TMEM132B: variants seen among roughly 807,000 people sequenced by gnomAD.
TMEM132B encodes the protein transmembrane protein 132B.
Under a neutral mutation model 90.8 loss-of-function variants are expected in TMEM132B, and 18 were observed. That is an observed-to-expected ratio of 0.20 (90% CI 0.14 to 0.29). TMEM132B has a LOEUF of 0.29. TMEM132B is among the 10% of genes least tolerant of loss of function. The pLI, the probability that TMEM132B is intolerant of heterozygous loss-of-function variation, is 1.00. For missense variants in TMEM132B, 1,096 were observed against 1,326.8 expected, an observed-to-expected ratio of 0.83 and a Z score of 2.70; for synonymous variants, 504 against 523.3, an observed-to-expected ratio of 0.96 and a Z score of 0.50.
Position 125,622,784 on chromosome 12 carries a change from C to T in TMEM132B, c.1438-21292C>T, listed in dbSNP as rs532176334. 7.2e-5 allele frequency among the ~76,000 whole-genome samples: 11 copies of T among 152,228 alleles called. No individual in the cohort carries two copies. The East Asian group carries it at 2.1e-3, about 29-fold the overall frequency. ...TCATTTGTATTTACTTTTCCCTTTT[C>T]TCAAAGTCTCAGAGACAAAAATGCT... is the stretch of plus-strand genomic sequence containing the variant. On this transcript the variant is annotated intron_variant, in intron 5 of 8. Coordinates refer to ENST00000682704, the MANE Select transcript of TMEM132B (RefSeq NM_001366854.1).
intron 4 of TMEM132B, among the ~76,000 whole-genome samples, chr12:125,554,736 C>T (rs1174735229): frequency 1.3e-5 from 2 of 152,206 alleles, no homozygotes; most frequent in Non-Finnish European, 2.9e-5. Flanking sequence ...CTCACATTCT[C>T]TTGGTTGCAT....
chr12:125,286,474 A>T (rs1875359750), intron 1 of TMEM132B, among the ~76,000 whole-genome samples: 1 of 152,242 alleles, frequency 6.6e-6, no homozygotes, highest in Admixed American at 6.5e-5. Flanking sequence ...TTTGGCAGGA[A>T]CACCTTTTGG....
intron 5 of TMEM132B, among the ~76,000 whole-genome samples, chr12:125,607,455 G>T (rs1885725457): frequency 1.3e-5 from 2 of 152,180 alleles, no homozygotes. Flanking sequence ...ATTGACTGAA[G>T]CTCGGTTGCT....
chr12:125,592,134 A>G (rs1025766170), intron 5 of TMEM132B, among the ~76,000 whole-genome samples: 1 of 152,216 alleles, frequency 6.6e-6, no homozygotes, highest in Non-Finnish European at 1.5e-5. Context: ...GGAAAAAGAA[A>G]GAAAAGGCAA....
chr12:125,399,207 A>G (rs1879242931), intron 2 of TMEM132B, among the ~76,000 whole-genome samples: 1 of 152,210 alleles, frequency 6.6e-6, no homozygotes, highest in Non-Finnish European at 1.5e-5. Flanking sequence ...AGTTACAAGG[A>G]AGTCTCAGTT....
chr12:125,261,990 C>A (rs745760331), intron 1 of TMEM132B, among the ~76,000 whole-genome samples: 9 of 152,082 alleles, frequency 5.9e-5, no homozygotes, highest in Non-Finnish European at 1.0e-4. Context: ...AGCCACCATG[C>A]GCAGCTTATA....
intron 4 of TMEM132B, among the ~76,000 whole-genome samples, chr12:125,554,519 G>A (rs1377139076): frequency 3.3e-5 from 5 of 151,212 alleles, no homozygotes; most frequent in Admixed American, 2.6e-4. Flanking sequence ...AATATGGAGC[G>A]GGCTTTTCTC....
intron 1 of TMEM132B, among the ~76,000 whole-genome samples, chr12:125,201,303 G>C (rs905599839): frequency 6.6e-6 from 1 of 152,230 alleles, no homozygotes; most frequent in African/African-American, 2.4e-5. Flanking sequence ...CATTTCACAA[G>C]GGTGACTAAA....
Position 125,361,133 on chromosome 12 carries a change from C to A in TMEM132B, c.959+10790C>A, listed in dbSNP as rs372121771. Among the ~76,000 whole-genome samples, 3 of 152,116 alleles carry A rather than the reference C, an allele frequency of 2.0e-5. No homozygotes were observed. In the East Asian group the frequency reaches 5.8e-4, roughly 29 times the overall value. On this transcript the variant is annotated intron_variant, in intron 2 of 8. Transcript: ENST00000682704. ...TCAAAGACACACTACAGGGACACGC[C>A]CGCTGCCCAGCCCACCCTCAGCAGT...
At chr12:125,295,500 CTG>C (rs149003076) in intron 1 of TMEM132B, among the ~76,000 whole-genome samples, 3 of 143,430 alleles carry the variant, frequency 2.1e-5, no homozygotes, top group Non-Finnish European at 4.5e-5. Context: ...TCCATGAAAC[CTG>C]TGTGTGTGTG....
At chr12:125,358,369 A>C (rs975917906) in intron 2 of TMEM132B, among the ~76,000 whole-genome samples, 1 of 149,496 alleles carries the variant, frequency 6.7e-6, no homozygotes, top group Non-Finnish European at 1.5e-5. Flanking sequence ...TACAAATATC[A>C]AAACTAGGAC....
chr12:125,505,210 T>C (rs1882816368), intron 3 of TMEM132B, among the ~76,000 whole-genome samples: 1 of 128,042 alleles, frequency 7.8e-6, no homozygotes, highest in African/African-American at 3.1e-5. Flanking sequence ...AAGTGGGGAC[T>C]TGTGCAAAGG....
chr12:125,338,077 G>A (rs1456271240), intron 1 of TMEM132B, among the ~76,000 whole-genome samples: 1 of 152,064 alleles, frequency 6.6e-6, no homozygotes, highest in Non-Finnish European at 1.5e-5. Flanking sequence ...TTACTTATTT[G>A]CATTAAAAAT....
chr12:125,634,326 TG>T (rs1886433395), intron 5 of TMEM132B, among the ~76,000 whole-genome samples: 1 of 152,166 alleles, frequency 6.6e-6, no homozygotes, highest in Admixed American at 6.5e-5. Flanking sequence ...TGCAGGGCAG[TG>T]GGCTCCCCTC....
intron 5 of TMEM132B, among the ~76,000 whole-genome samples, chr12:125,599,839 T>G (rs1326501396): frequency 6.6e-6 from 1 of 152,114 alleles, no homozygotes; most frequent in African/African-American, 2.4e-5. Flanking sequence ...CTATACTCTA[T>G]TTGGTGAGTG....
chr12:125,306,806 A>G (rs1040197045), intron 1 of TMEM132B, among the ~76,000 whole-genome samples: 1 of 152,230 alleles, frequency 6.6e-6, no homozygotes, highest in Non-Finnish European at 1.5e-5. Context: ...TGCCCCAGTG[A>G]TGTCCATCTC....
At chr12:125,522,151 A>T (rs1883323956) in intron 4 of TMEM132B, among the ~76,000 whole-genome samples, 1 of 152,136 alleles carries the variant, frequency 6.6e-6, no homozygotes, top group Non-Finnish European at 1.5e-5. Flanking sequence ...CAACTCGTGG[A>T]GAGGCTTCTC....
intron 2 of TMEM132B, among the ~76,000 whole-genome samples, chr12:125,352,709 T>G (rs1485193605): frequency 1.3e-5 from 2 of 152,248 alleles, no homozygotes; most frequent in African/African-American, 4.8e-5. Context: ...GAACCTTGCT[T>G]TACAGATGCA....
intron 2 of TMEM132B, among the ~76,000 whole-genome samples, chr12:125,374,349 G>A (rs923230925): frequency 5.3e-5 from 8 of 152,118 alleles, no homozygotes; most frequent in Non-Finnish European, 1.2e-4. Context: ...TAAATTCTCC[G>A]TGGGCACAGG....
Sources: allele counts gnomAD v4.1 joint callset (sites outside exome capture counted in the v4.1 genomes callset), GRCh38; gene constraint gnomAD v4.1.1; transcripts MANE v1.5; gene names NCBI Gene and HGNC (gene_info 2026-07-23, HGNC 2026-07-21).